The following NUFIP2 variants were observed in gnomAD, a reference collection of about 807,000 sequenced individuals.
NUFIP2 encodes FMR1-interacting protein NUFIP2.
In NUFIP2, 6 loss-of-function variants were observed where a neutral mutation model predicts 56.9. The observed-to-expected ratio is 0.11, with a 90% CI of 0.06 to 0.21. The LOEUF (loss-of-function observed/expected upper bound fraction) is 0.21. NUFIP2 is among the 10% of genes least tolerant of loss of function. NUFIP2 has a pLI of 1.00. For synonymous variants in NUFIP2, 321 were observed against 298.2 expected (o/e 1.08, Z -0.79); for missense variants, 828 against 826.8 (o/e 1.00, Z -0.02).
chr17:29,256,253 T>C lies in NUFIP2; in HGVS notation c.*8286A>G, dbSNP rs1443559316. On this transcript the variant is annotated 3_prime_UTR_variant, in exon 4 of 4. Coordinates refer to ENST00000225388, the MANE Select transcript of NUFIP2 (RefSeq NM_020772.3). Reference sequence around the variant, plus strand: ...ATTAAGAGGTAACTCAGCTCCTTAGTGCCTCTGCACGAGACAGAGAAATTA... The same window carrying C: ...ATTAAGAGGTAACTCAGCTCCTTAGCGCCTCTGCACGAGACAGAGAAATTA... The C allele has an allele frequency of 1.3e-5, 2 of 152,270 alleles. No homozygotes were observed. The highest frequency in any genetic ancestry group is 1.3e-4 in the Admixed American group (2 of 15,294). 9.4% of individuals were successfully genotyped at this position (152,270 alleles called of 1,614,324 possible). A position where few individuals can be genotyped will look rare whatever the true frequency, so the allele number is the denominator to read the frequency against.
At position 29,256,111 on chromosome 17, in the gene NUFIP2, T is replaced by C. The variant is rs2068969798; in HGVS notation, c.*8428A>G. 6.6e-6 allele frequency: 1 copy of C among 152,242 alleles called. No homozygotes were observed. The highest frequency in any genetic ancestry group is 1.5e-5 in the Non-Finnish European group (1 of 68,032). The allele number at this position is 152,242 out of a possible 1,614,324, so 9.4% of individuals were successfully genotyped here. ...AAGGGAAAATTTCTGGTGACTGTTC[T>C]TATATGTAGAAAAGACCTATATTTT... is the stretch of plus-strand genomic sequence containing the variant. On this transcript the variant is annotated 3_prime_UTR_variant, in exon 4 of 4. Transcript: ENST00000225388.
chr17:29,265,081 G>A (rs1048406624), intron 3 of NUFIP2, among the ~76,000 whole-genome samples: 1 of 152,038 alleles, frequency 6.6e-6, no homozygotes, highest in Non-Finnish European at 1.5e-5. Context: ...TAGCAAAACT[G>A]CCAATTCAGT....
chr17:29,281,783 T>A (rs915912075), intron 2 of NUFIP2, among the ~76,000 whole-genome samples: 1 of 150,288 alleles, frequency 6.7e-6, no homozygotes, highest in East Asian at 1.9e-4. Context: ...TTTTTTTTTT[T>A]AGAAGGAGCC....
rs1216795329 is a variant in NUFIP2 at position 29,258,979 on chromosome 17, A to G, written c.*5560T>C. On this transcript the variant is annotated 3_prime_UTR_variant, in exon 4 of 4. Coordinates refer to ENST00000225388, the MANE Select transcript of NUFIP2 (RefSeq NM_020772.3). ...ATGAAGGATAAATGAAAACAGATTA[A>G]TAATAGACAAACAGGGTAAACTAAA... 1 of 152,068 alleles carries G rather than the reference A, an allele frequency of 6.6e-6. No individual in the cohort carries two copies. Among genetic ancestry groups the G allele is most frequent in the East Asian group, 1.9e-4 (1 of 5,202 alleles). 9.4% of individuals were successfully genotyped at this position (152,068 alleles called of 1,614,324 possible).
intron 2 of NUFIP2, among the ~76,000 whole-genome samples, chr17:29,285,609 C>G (rs1479317637): frequency 2.0e-5 from 3 of 151,630 alleles, no homozygotes; most frequent in African/African-American, 7.3e-5. Flanking sequence ...AAACACAAAA[C>G]AAAACAAAAA....
chr17:29,265,950 G>C (rs2069033662), intron 3 of NUFIP2, among the ~76,000 whole-genome samples: 3 of 152,048 alleles, frequency 2.0e-5, no homozygotes, highest in Non-Finnish European at 2.9e-5. Flanking sequence ...AAAACAGGTA[G>C]GTCTACTTTG....
At chr17:29,275,412 A>G (rs1411001290) in intron 2 of NUFIP2, among the ~76,000 whole-genome samples, 3 of 152,202 alleles carry the variant, frequency 2.0e-5, no homozygotes, top group Non-Finnish European at 4.4e-5. Flanking sequence ...AGGGAACTCA[A>G]GGAACAACAT....
Position 29,257,923 on chromosome 17 carries a change from T to A in NUFIP2, c.*6616A>T, listed in dbSNP as rs1598427118. On this transcript the variant is annotated 3_prime_UTR_variant, in exon 4 of 4. Transcript: ENST00000225388. ...AAAAGTAAATCACTTCCCCAGCTTATAAAATAGTTCCAGTTTCGCAAGATC... is the reference window on the plus strand; with the variant it reads ...AAAAGTAAATCACTTCCCCAGCTTAAAAAATAGTTCCAGTTTCGCAAGATC... The A allele has an allele frequency of 6.6e-6, 1 of 152,232 alleles. No individual in the cohort carries two copies. The highest frequency in any genetic ancestry group is 1.5e-5 in the Non-Finnish European group (1 of 67,996). 9.4% of individuals were successfully genotyped at this position (152,232 alleles called of 1,614,324 possible).
chr17:29,262,633 A>G lies in NUFIP2; in HGVS notation c.*1906T>C, dbSNP rs1243709297. On this transcript the variant is annotated 3_prime_UTR_variant, in exon 4 of 4. Coordinates refer to ENST00000225388, the MANE Select transcript of NUFIP2 (RefSeq NM_020772.3). ...ACATATTATACATTTGAAAATTACA[A>G]TATCAGTCAAAGTGATACAGTTTAC... The G allele has an allele frequency of 2.0e-5, 3 of 152,254 alleles. No homozygotes were observed. The highest frequency in any genetic ancestry group is 2.9e-5 in the Non-Finnish European group (2 of 67,942). 9.4% of individuals were successfully genotyped at this position (152,254 alleles called of 1,614,324 possible).
chr17:29,269,055 T>C (rs1425186798), intron 2 of NUFIP2, among the ~76,000 whole-genome samples: 1 of 152,160 alleles, frequency 6.6e-6, no homozygotes, highest in African/African-American at 2.4e-5. Context: ...GGGCTATATA[T>C]AGTCAACAGT....
At chr17:29,287,789 GAACT>G (rs2069187448) in intron 1 of NUFIP2, 73 bp from the exon 2 acceptor site, 1 of 1,359,432 alleles carries the variant, frequency 7.4e-7, no homozygotes, top group South Asian at 1.5e-5. Context: ...TAACATTTAA[GAACT>G]ATTTACTGTA....
intron 2 of NUFIP2, among the ~76,000 whole-genome samples, chr17:29,276,472 A>C (rs2069109209): frequency 6.6e-6 from 1 of 152,048 alleles, no homozygotes; most frequent in South Asian, 2.1e-4. Context: ...AGCTGGGACT[A>C]CAGGCACGCG....
At chr17:29,273,449 GGCGTGAGCCAT>G (rs1256071384) in intron 2 of NUFIP2, among the ~76,000 whole-genome samples, 1 of 152,120 alleles carries the variant, frequency 6.6e-6, no homozygotes, top group African/African-American at 2.4e-5. Context: ...TGGGACTACA[GGCGTGAGCCAT>G]CACGCCCAGC....
intron 2 of NUFIP2, among the ~76,000 whole-genome samples, chr17:29,275,885 G>A (rs894252714): frequency 5.9e-5 from 9 of 151,862 alleles, no homozygotes; most frequent in Non-Finnish European, 1.0e-4. Flanking sequence ...AAAATTAGCC[G>A]GGAGTGGTGG....
In NUFIP2 at chr17:29,274,141, T is replaced by C. The variant is rs377696201; in HGVS notation, c.2003-6611A>G. The stretch of plus-strand genomic sequence containing the variant: ...ATGTGTGTGCTTTAACAAGGTGTGT[T>C]TGAGCAGGGGTGAACAAACAATTAC... On this transcript the variant is annotated intron_variant, in intron 2 of 3. Transcript: ENST00000225388. 5.9e-5 allele frequency among the ~76,000 whole-genome samples: 9 copies of C among 152,286 alleles called. No individual in the cohort carries two copies. In the East Asian group the frequency reaches 1.4e-3, roughly 23 times the overall value.
chr17:29,279,886 T>C (rs1353750146), intron 2 of NUFIP2, among the ~76,000 whole-genome samples: 1 of 152,182 alleles, frequency 6.6e-6, no homozygotes, highest in Non-Finnish European at 1.5e-5. Context: ...TGGTGTGATC[T>C]CAGCCCACTG....
chr17:29,275,648 TGCCTTTTAA>T (rs1289786518), intron 2 of NUFIP2, among the ~76,000 whole-genome samples: 1 of 152,202 alleles, frequency 6.6e-6, no homozygotes, highest in African/African-American at 2.4e-5. Flanking sequence ...TTTATGCAGT[TGCCTTTTAA>T]CTGGCCTCCT....
intron 2 of NUFIP2, among the ~76,000 whole-genome samples, chr17:29,284,231 TTC>T (rs1385432267): frequency 6.6e-6 from 1 of 152,204 alleles, no homozygotes; most frequent in Admixed American, 6.5e-5. Flanking sequence ...GAGCATACAT[TTC>T]TGTTAGAGAA....
Position 29,286,410 on chromosome 17 carries a change from C to T in NUFIP2, c.1584G>A (p.Glu528=). 30 of 1,614,166 alleles carry T rather than the reference C, an allele frequency of 1.9e-5. No homozygotes were observed. The highest frequency in any genetic ancestry group is 2.5e-5 in the Non-Finnish European group (29 of 1,180,026). Residue 528 remains glutamate (E), a synonymous_variant, in exon 2 of 4, where the codon GAG becomes GAA. Coordinates refer to ENST00000225388, the MANE Select transcript of NUFIP2 (RefSeq NM_020772.3). ...GAAATGTCACCTCCATCACTTTATGCTCTGATGACTTCCCAGTAACAGTCT... is the reference window on the plus strand; with the variant it reads ...GAAATGTCACCTCCATCACTTTATGTTCTGATGACTTCCCAGTAACAGTCT... ...GPETVTGKSS[E]HKVMEVTFQG...
Sources: gnomAD v4.1 joint callset for allele counts (sites outside exome capture counted in the v4.1 genomes callset) on GRCh38, gnomAD v4.1.1 for gene constraint, MANE v1.5 for transcripts, NCBI Gene and HGNC (gene_info 2026-07-23, HGNC 2026-07-21) for gene names.